Variants in FAM170B observed in about 807,000 individuals in gnomAD.
FAM170B encodes the protein protein FAM170B.
A neutral mutation model predicts 3.9 loss-of-function variants in FAM170B; 4 were observed. The observed-to-expected ratio is 1.01, with a 90% CI of 0.50 to 2.32. FAM170B has a LOEUF of 2.32. Ranked by LOEUF, FAM170B falls within the 30% of genes most tolerant of loss-of-function variation. The pLI is 0.02. For missense variants in FAM170B, 417 were observed against 368.6 expected, an observed-to-expected ratio of 1.13 and a Z score of -1.07; for synonymous variants, 163 against 149.8, an observed-to-expected ratio of 1.09 and a Z score of -0.64.
In FAM170B at chr10:49,131,731, C is replaced by T. The variant is rs879655585; in HGVS notation, c.734G>A (p.Arg245Gln). ...TTGGTCATGTGCTTGGCCCTGAGCCCGCCTTCTCTCCAGCATCTCCTCAAA... is the reference window on the plus strand; with the variant it reads ...TTGGTCATGTGCTTGGCCCTGAGCCTGCCTTCTCTCCAGCATCTCCTCAAA... ...IFFEEMLERR[R>Q]AQGQAHDQQL... Residue 245 changes from arginine (R) to glutamine (Q), a missense_variant, in exon 2 of 2, where the codon CGG (arginine) becomes CAG (glutamine). Physicochemically the swap from Arg to Gln is conservative, Grantham distance 43 (BLOSUM62 1). Coordinates refer to ENST00000311787, the MANE Select transcript of FAM170B (RefSeq NM_001164484.2). The T allele has an allele frequency of 1.9e-5, 30 of 1,551,594 alleles. No individual in the cohort carries two copies. The Admixed American group carries it at 5.1e-4, about 26-fold the overall frequency.
chr10:49,133,357 C>T (rs1024584646), intron 1 of FAM170B, among the ~76,000 whole-genome samples: 1 of 152,136 alleles, frequency 6.6e-6, no homozygotes, highest in Non-Finnish European at 1.5e-5. Flanking sequence ...GAAAGAGAGG[C>T]ATGGAGTTTG....
In FAM170B at chr10:49,133,822, C is replaced by G; in HGVS notation, c.97G>C (p.Glu33Gln). 6.4e-7 allele frequency: 1 copy of G among 1,551,702 alleles called. No homozygotes were observed. The highest frequency in any genetic ancestry group is 8.7e-7 in the Non-Finnish European group (1 of 1,146,998). Reference sequence around the variant, plus strand: ...TTTCACCTACCTGGCCAGAACACTTCCACACTCTCCTCAGTGGACTCAGGG... The same window carrying G: ...TTTCACCTACCTGGCCAGAACACTTGCACACTCTCCTCAGTGGACTCAGGG... ...TSPESTEESV[E>Q]VFWPGTIQRE... Residue 33 changes from glutamate to glutamine, a missense_variant, in exon 1 of 2, where the codon GAA (glutamate) becomes CAA (glutamine). Transcript: ENST00000311787.
Position 49,132,134 on chromosome 10 carries a change from T to G in FAM170B, c.331A>C (p.Thr111Pro). The G allele has an allele frequency of 6.4e-7, 1 of 1,551,672 alleles. No individual in the cohort carries two copies. Among genetic ancestry groups the G allele is most frequent in the Non-Finnish European group, 8.7e-7 (1 of 1,146,952 alleles). ...ACACCCCGCACAGTCTGCACGTGCG[T>G]GTAGAAGGCACACACACTCTGCGGA... ...AAPQSVCAFY[T>P]HVQTVRGVAV... is the part of the protein sequence containing the mutation. The change falls in exon 2 of 2, where the codon ACG becomes CCG. Residue 111 changes from threonine to proline, a missense_variant. Coordinates refer to ENST00000311787, the MANE Select transcript of FAM170B (RefSeq NM_001164484.2).
At position 49,132,334 on chromosome 10, in the gene FAM170B, C is replaced by T; in HGVS notation, c.131G>A (p.Gly44Glu). ...VFWPGTIQREGSSPRPGPAIP... is the reference protein window; with the variant it reads ...VFWPGTIQREESSPRPGPAIP... ...GGCAGGCCCCGGCCGTGGGGACGAC[C>T]CTTCTCTCTGTATAGTCCCTGAGAA... The change falls in exon 2 of 2, where the codon GGG becomes GAG. Residue 44 changes from glycine (G) to glutamate (E), a missense_variant. Physicochemically the swap from Gly to Glu is moderately conservative, Grantham distance 98. Transcript: ENST00000311787. 12 of 1,547,154 alleles carry T rather than the reference C, an allele frequency of 7.8e-6. No homozygotes were observed. The highest frequency in any genetic ancestry group is 1.4e-5 in the African/African-American group (1 of 73,150).
Position 49,131,782 on chromosome 10 carries a change from C to G in FAM170B, c.683G>C (p.Arg228Pro). 1 of 1,550,932 alleles carries G rather than the reference C, an allele frequency of 6.4e-7. No individual in the cohort carries two copies. Among genetic ancestry groups the G allele is most frequent in the Non-Finnish European group, 8.7e-7 (1 of 1,147,006 alleles). ...ALLEHAQHGI[R>P]EGFSCQIFFE... ...AAAGATCTGACAGCTGAAGCCCTCC[C>G]GGATGCCATGCTGGGCGTGCTCCAG... is the stretch of plus-strand genomic sequence containing the variant. The change falls in exon 2 of 2, where the codon CGG becomes CCG. Residue 228 changes from arginine (R) to proline (P), a missense_variant. Arg to Pro is a moderately radical substitution (Grantham distance 103). Coordinates refer to ENST00000311787, the MANE Select transcript of FAM170B (RefSeq NM_001164484.2).
In FAM170B at chr10:49,131,571, G is replaced by A; in HGVS notation, c.*42C>T. On this transcript the variant is annotated 3_prime_UTR_variant, in exon 2 of 2. Coordinates refer to ENST00000311787, the MANE Select transcript of FAM170B (RefSeq NM_001164484.2). ...GCTGGCTGGGGAAGGAGCAGTCCCA[G>A]GCCCTGGAGGTGAGGGCAGGGTTGG... The A allele has an allele frequency of 2.0e-6, 3 of 1,514,408 alleles. No individual in the cohort carries two copies. Among genetic ancestry groups the A allele is most frequent in the South Asian group, 1.3e-5 (1 of 76,740 alleles). The allele number at this position is 1,514,408 out of a possible 1,614,324, so 93.8% of individuals were successfully genotyped here.
intron 1 of FAM170B, among the ~76,000 whole-genome samples, chr10:49,133,244 C>T (rs1845210097): frequency 6.6e-6 from 1 of 152,212 alleles, no homozygotes. Context: ...CTATCTCCTT[C>T]AACACTTACT....
chr10:49,132,305 G>A lies in FAM170B; in HGVS notation c.160C>T (p.Pro54Ser). The A allele has an allele frequency of 3.9e-6, 6 of 1,550,994 alleles. No individual in the cohort carries two copies. The highest frequency in any genetic ancestry group is 5.2e-6 in the Non-Finnish European group (6 of 1,146,896). The change falls in exon 2 of 2, where the codon CCC becomes TCC. Residue 54 changes from proline (P) to serine (S), a missense_variant. Transcript: ENST00000311787. ...GCGAAGTAGAGGCCCTCCTCCCGGG[G>A]AATGGCAGGCCCCGGCCGTGGGGAC... is the stretch of plus-strand genomic sequence containing the variant. Reference protein sequence around the residue: ...GSSPRPGPAIPREEGLYFAAR... With the variant: ...GSSPRPGPAISREEGLYFAAR...
Position 49,131,481 on chromosome 10 carries a change from A to G in FAM170B, c.*132T>C. 7.6e-7 allele frequency: 1 copy of G among 1,320,408 alleles called. No homozygotes were observed. Among genetic ancestry groups the G allele is most frequent in the East Asian group, 2.5e-5 (1 of 39,402 alleles). 81.8% of individuals were successfully genotyped at this position (1,320,408 alleles called of 1,614,324 possible). On this transcript the variant is annotated 3_prime_UTR_variant, in exon 2 of 2. Transcript: ENST00000311787. ...CCAGTCTCCTGGCCCTCCTTGCTCT[A>G]CACTCCATGCCTTTCCTTCCCCCTG...
Position 49,131,222 on chromosome 10 carries a change from T to C in FAM170B, c.*391A>G, listed in dbSNP as rs1845177372. ...ACTAGGGCATATGACAGATTTGTAA[T>C]AGTGAAAAAAATAGGGCTGGAGAGT... On this transcript the variant is annotated 3_prime_UTR_variant, in exon 2 of 2. Transcript: ENST00000311787. The C allele has an allele frequency of 1.1e-5, 2 of 188,118 alleles. No individual in the cohort carries two copies. The highest frequency in any genetic ancestry group is 2.7e-4 in the East Asian group (2 of 7,430). 11.7% of individuals were successfully genotyped at this position (188,118 alleles called of 1,614,324 possible).
chr10:49,131,749 T>A lies in FAM170B; in HGVS notation c.716A>T (p.Glu239Val). 1 of 1,551,620 alleles carries A rather than the reference T, an allele frequency of 6.4e-7. No homozygotes were observed. The highest frequency in any genetic ancestry group is 8.7e-7 in the Non-Finnish European group (1 of 1,147,002). The change falls in exon 2 of 2, where the codon GAG becomes GTG. Residue 239 changes from glutamate (E) to valine (V), a missense_variant. Physicochemically the swap from Glu to Val is moderately radical, Grantham distance 121. Transcript: ENST00000311787. Reference sequence around the variant, plus strand: ...CTGAGCCCGCCTTCTCTCCAGCATCTCCTCAAAAAAGATCTGACAGCTGAA... The same window carrying A: ...CTGAGCCCGCCTTCTCTCCAGCATCACCTCAAAAAAGATCTGACAGCTGAA... ...EGFSCQIFFE[E>V]MLERRRAQGQ...
intron 1 of FAM170B, among the ~76,000 whole-genome samples, chr10:49,132,892 A>G (rs1845206684): frequency 6.6e-6 from 1 of 152,022 alleles, no homozygotes; most frequent in Non-Finnish European, 1.5e-5. Flanking sequence ...TTCAGATGAC[A>G]TTCTAGAAAA....
At position 49,131,783 on chromosome 10, in the gene FAM170B, G is replaced by A. The variant is rs1273384853; in HGVS notation, c.682C>T (p.Arg228Trp). ...AAGATCTGACAGCTGAAGCCCTCCCGGATGCCATGCTGGGCGTGCTCCAGC... is the reference window on the plus strand; with the variant it reads ...AAGATCTGACAGCTGAAGCCCTCCCAGATGCCATGCTGGGCGTGCTCCAGC... ...ALLEHAQHGI[R>W]EGFSCQIFFE... The change falls in exon 2 of 2, where the codon CGG becomes TGG. Residue 228 changes from arginine to tryptophan, a missense_variant. Coordinates refer to ENST00000311787, the MANE Select transcript of FAM170B (RefSeq NM_001164484.2). The A allele has an allele frequency of 3.9e-6, 6 of 1,550,832 alleles. No homozygotes were observed. The highest frequency in any genetic ancestry group is 4.9e-5 in the East Asian group (2 of 40,914).
In FAM170B at chr10:49,132,224, C is replaced by T. The variant is rs1204500969; in HGVS notation, c.241G>A (p.Glu81Lys). Residue 81 changes from glutamate (E) to lysine (K), a missense_variant, in exon 2 of 2, where the codon GAG (glutamate) becomes AAG (lysine). Glu to Lys is a moderately conservative substitution (Grantham distance 56). Transcript: ENST00000311787. ...WSSSPSSESS[E>K]YQSYSQYQSC... ...TGGTACTGGGAGTAGGACTGGTACT[C>T]GGAGGACTCTGAGGATGGGGAGCTG... 1.3e-6 allele frequency: 2 copies of T among 1,551,706 alleles called. No individual in the cohort carries two copies. Among genetic ancestry groups the T allele is most frequent in the South Asian group, 1.2e-5 (1 of 84,056 alleles).
In FAM170B at chr10:49,132,091, G is replaced by A. The variant is rs1374774215; in HGVS notation, c.374C>T (p.Thr125Met). The A allele has an allele frequency of 4.5e-6, 7 of 1,551,670 alleles. No homozygotes were observed. Among genetic ancestry groups the A allele is most frequent in the South Asian group, 2.4e-5 (2 of 84,070 alleles). ...GGTGACCGGCTCGAAGCCGGCCTCC[G>A]TCTCCCAGGCCACAGCCACACCCCG... ...TVRGVAVAWE[T>M]EAGFEPVTRK... Residue 125 changes from threonine (T) to methionine (M), a missense_variant, in exon 2 of 2, where the codon ACG (threonine) becomes ATG (methionine). By Grantham distance (81) the Thr-to-Met change is moderately conservative (BLOSUM62 -1). Coordinates refer to ENST00000311787, the MANE Select transcript of FAM170B (RefSeq NM_001164484.2).
rs756551168 is a variant in FAM170B, at chr10:49,131,602, T to A, written c.*11A>T. On this transcript the variant is annotated 3_prime_UTR_variant, in exon 2 of 2. Coordinates refer to ENST00000311787, the MANE Select transcript of FAM170B (RefSeq NM_001164484.2). ...GGAGGTGAGGGCAGGGTTGGGTATCTCCCCTCTGGCTCACTGCTTCTCCTG... is the reference window on the plus strand; with the variant it reads ...GGAGGTGAGGGCAGGGTTGGGTATCACCCCTCTGGCTCACTGCTTCTCCTG... The A allele has an allele frequency of 8.6e-5, 133 of 1,545,574 alleles. No homozygotes were observed. The highest frequency in any genetic ancestry group is 1.1e-4 in the Non-Finnish European group (127 of 1,143,096).
chr10:49,131,753 C>CA lies in FAM170B; in HGVS notation c.711dup (p.Glu238Ter). 3 of 1,551,566 alleles carry CA rather than the reference C, an allele frequency of 1.9e-6. No homozygotes were observed. The highest frequency in any genetic ancestry group is 1.7e-6 in the Non-Finnish European group (2 of 1,147,002). On this transcript the variant is annotated frameshift_variant, in exon 2 of 2. Transcript: ENST00000311787. LOFTEE classifies it low-confidence loss of function (END_TRUNC). Reference sequence around the variant, plus strand: ...GCCCGCCTTCTCTCCAGCATCTCCTCAAAAAAGATCTGACAGCTGAAGCCC... The same window carrying CA: ...GCCCGCCTTCTCTCCAGCATCTCCTCAAAAAAAGATCTGACAGCTGAAGCCC...
Position 49,133,837 on chromosome 10 carries a change from T to C in FAM170B, c.82A>G (p.Thr28Ala). 3 of 1,551,698 alleles carry C rather than the reference T, an allele frequency of 1.9e-6. No homozygotes were observed. Among genetic ancestry groups the C allele is most frequent in the Non-Finnish European group, 2.6e-6 (3 of 1,146,996 alleles). ...CAGAACACTTCCACACTCTCCTCAGTGGACTCAGGGCTGGTCAAGCTGAGG... is the reference window on the plus strand; with the variant it reads ...CAGAACACTTCCACACTCTCCTCAGCGGACTCAGGGCTGGTCAAGCTGAGG... ...TTLSLTSPES[T>A]EESVEVFWPG... The change falls in exon 1 of 2, where the codon ACT becomes GCT. Residue 28 changes from threonine to alanine, a missense_variant. Thr to Ala is a moderately conservative substitution (Grantham distance 58). Transcript: ENST00000311787.
At chr10:49,133,311 A>G (rs187635354) in intron 1 of FAM170B, among the ~76,000 whole-genome samples, 18 of 152,278 alleles carry the variant, frequency 1.2e-4, no homozygotes, top group African/African-American at 4.3e-4. Context: ...CAACCCTAAG[A>G]AATTATATTG....
Sources: gnomAD v4.1 joint callset for allele counts (sites outside exome capture counted in the v4.1 genomes callset) on GRCh38, gnomAD v4.1.1 for gene constraint, MANE v1.5 for transcripts, NCBI Gene and HGNC (gene_info 2026-07-23, HGNC 2026-07-21) for gene names.